Variants in LOC400499 observed in about 807,000 individuals in gnomAD.
At chr16:11,382,586 A>G in the LOC400499 span, among the ~76,000 whole-genome samples, 49,152 of 152,028 alleles carry the variant, frequency 0.32, 8,773 homozygotes, top group African/African-American at 0.46. Flanking sequence ...GTTGATGATT[A>G]TTGTGGTGTG....
At chr16:11,464,083 T>C in the LOC400499 span, among the ~76,000 whole-genome samples, 1 of 152,250 alleles carries the variant, frequency 6.6e-6, no homozygotes, top group Non-Finnish European at 1.5e-5. Flanking sequence ...TGTGTGTATA[T>C]ACGAATGTAT....
the LOC400499 span, chr16:11,471,589 C>T: frequency 7.5e-6 from 3 of 398,804 alleles, no homozygotes; most frequent in Non-Finnish European, 1.3e-5. Flanking sequence ...TAGGGTGAGC[C>T]CAGGGCTGAC....
the LOC400499 span, among the ~76,000 whole-genome samples, chr16:11,386,035 C>CA: frequency 6.6e-4 from 99 of 150,908 alleles, no homozygotes; most frequent in Non-Finnish European, 2.2e-4. Flanking sequence ...GACCTAGTCT[C>CA]AAAAAAAAAT....
chr16:11,447,149 T>A, the LOC400499 span, among the ~76,000 whole-genome samples: 1 of 152,178 alleles, frequency 6.6e-6, no homozygotes, highest in African/African-American at 2.4e-5. Context: ...CGTCGCCATT[T>A]GACAGCAAAG....
At chr16:11,499,692 G>A in the LOC400499 span, among the ~76,000 whole-genome samples, 1 of 152,132 alleles carries the variant, frequency 6.6e-6, no homozygotes, top group Non-Finnish European at 1.5e-5. Context: ...TTCTACCAAT[G>A]CAGGGGTCTC....
At chr16:11,417,691 G>A in the LOC400499 span, 1 of 399,276 alleles carries the variant, frequency 2.5e-6, no homozygotes, top group Non-Finnish European at 4.4e-6. Flanking sequence ...CCACAACAAA[G>A]CCTCACTGTT....
chr16:11,416,758 C>T, the LOC400499 span, among the ~76,000 whole-genome samples: 9 of 152,164 alleles, frequency 5.9e-5, no homozygotes, highest in Non-Finnish European at 8.8e-5. Flanking sequence ...GCCAGGCAGG[C>T]GTGTGGGAGA....
chr16:11,443,330 CAAAAAAAAAAAAA>C, the LOC400499 span: 29 of 260,808 alleles, frequency 1.1e-4, no homozygotes, highest in East Asian at 1.5e-4. Flanking sequence ...TCCTCAGTCT[CAAAAAAAAAAAAA>C]AAAAAAAAAA....
chr16:11,522,053 T>A, the LOC400499 span: 3 of 398,982 alleles, frequency 7.5e-6, no homozygotes, highest in Non-Finnish European at 1.3e-5. Context: ...CTGGTGCTGG[T>A]GTTGGTGGAA....
At chr16:11,397,429 G>A in the LOC400499 span, among the ~76,000 whole-genome samples, 9 of 151,992 alleles carry the variant, frequency 5.9e-5, no homozygotes, top group East Asian at 1.9e-4. Context: ...ACGTGCCACC[G>A]TGCCCAGCTC....
At chr16:11,384,838 C>A in the LOC400499 span, 1 of 1,230,660 alleles carries the variant, frequency 8.1e-7, no homozygotes, top group East Asian at 3.2e-5. Flanking sequence ...GGGGTGCATC[C>A]CAAAGAGTCC....
At chr16:11,384,035 C>CCTCCTGCTGG in the LOC400499 span, 1 of 1,231,806 alleles carries the variant, frequency 8.1e-7, no homozygotes. Context: ...AAGACTCAGG[C>CCTCCTGCTGG]CTCCTGCTGG....
At chr16:11,395,317 C>A in the LOC400499 span, among the ~76,000 whole-genome samples, 7,589 of 152,254 alleles carry the variant, frequency 0.05, 512 homozygotes, top group African/African-American at 0.15. Flanking sequence ...TCCACAGACC[C>A]CAGAATGGAC....
At chr16:11,447,864 CT>C in the LOC400499 span, 7 of 1,468,688 alleles carry the variant, frequency 4.8e-6, no homozygotes, top group African/African-American at 1.4e-5. Flanking sequence ...CCTGTTCCCC[CT>C]GGGGATGCTC....
the LOC400499 span, chr16:11,384,954 C>T: frequency 3.2e-5 from 40 of 1,232,060 alleles, no homozygotes; most frequent in South Asian, 2.9e-4. Flanking sequence ...ACAGACACCC[C>T]GTCCTCGCTG....
At chr16:11,509,924 T>C in the LOC400499 span, among the ~76,000 whole-genome samples, 212 of 146,448 alleles carry the variant, frequency 1.4e-3, 4 homozygotes, top group African/African-American at 5.3e-3. Flanking sequence ...TGGAAGAGTA[T>C]ACTGGAAGCC....
the LOC400499 span, chr16:11,396,592 G>C: frequency 1.6e-6 from 2 of 1,232,154 alleles, no homozygotes; most frequent in East Asian, 3.2e-5. Flanking sequence ...CGTGGTCTGG[G>C]TCTGGTGCAA....
the LOC400499 span, among the ~76,000 whole-genome samples, chr16:11,400,170 C>G: frequency 6.6e-6 from 1 of 152,106 alleles, no homozygotes; most frequent in Non-Finnish European, 1.5e-5. Flanking sequence ...TGTCCCTGCC[C>G]ATCTGACCTC....
the LOC400499 span, among the ~76,000 whole-genome samples, chr16:11,496,300 C>G: frequency 6.6e-6 from 1 of 152,156 alleles, no homozygotes; most frequent in African/African-American, 2.4e-5. Context: ...CTCCTGACCT[C>G]AGGTGATCTG....
Sources: gnomAD v4.1 joint callset for allele counts (sites outside exome capture counted in the v4.1 genomes callset) on GRCh38, gnomAD v4.1.1 for gene constraint, MANE v1.5 for transcripts.